The following ZEB2 variants were observed in gnomAD, a reference collection of about 807,000 sequenced individuals.
ZEB2 encodes the protein zinc finger E-box-binding homeobox 2.
In ZEB2, 6 loss-of-function variants were observed where a neutral mutation model predicts 99.9. The ratio of observed to expected loss-of-function variants is 0.06; its 90% CI spans 0.03 to 0.12. The LOEUF is 0.12. Ranked by LOEUF, ZEB2 falls within the 10% of genes least tolerant of loss-of-function variation. The pLI is 1.00. For missense variants in ZEB2, 969 were observed against 1,502.8 expected (o/e 0.64, Z 5.87); for synonymous variants, 517 against 542.5 (o/e 0.95, Z 0.65).
intron 2 of ZEB2, among the ~76,000 whole-genome samples, chr2:144,475,105 A>G (rs1704412690): frequency 6.6e-6 from 1 of 152,204 alleles, no homozygotes; most frequent in Non-Finnish European, 1.5e-5. Flanking sequence ...ACATTTCAAC[A>G]AGTATGGGAG....
At chr2:144,505,723 C>T (rs1324209002) in intron 2 of ZEB2, among the ~76,000 whole-genome samples, 2 of 152,126 alleles carry the variant, frequency 1.3e-5, no homozygotes. Context: ...AGCAGTTTGA[C>T]AGCACAAAAA....
chr2:144,486,291 T>C (rs1478345270), intron 2 of ZEB2, among the ~76,000 whole-genome samples: 1 of 152,152 alleles, frequency 6.6e-6, no homozygotes, highest in African/African-American at 2.4e-5. Context: ...TGTGTATTTC[T>C]ACATTTTTTT....
At chr2:144,503,266 C>T (rs1040660991) in intron 2 of ZEB2, among the ~76,000 whole-genome samples, 14 of 152,116 alleles carry the variant, frequency 9.2e-5, no homozygotes, top group South Asian at 8.3e-4. Flanking sequence ...TATTTGAAAA[C>T]ATATTGTTCA....
Position 144,398,360 on chromosome 2 carries a change from C to T in ZEB2, c.2827G>A (p.Ala943Thr). The T allele has an allele frequency of 6.2e-7, 1 of 1,614,052 alleles. No individual in the cohort carries two copies. The highest frequency in any genetic ancestry group is 1.7e-5 in the Admixed American group (1 of 60,010). The change falls in exon 8 of 10, where the codon GCA becomes ACA. Residue 943 changes from alanine to threonine, a missense_variant. Physicochemically the swap from Ala to Thr is moderately conservative, Grantham distance 58 (BLOSUM62 0). Coordinates refer to ENST00000627532, the MANE Select transcript of ZEB2 (RefSeq NM_014795.4). ...TGCTGCATATCAGCAAAAGTAGCTG[C>T]TCCAGTTGGGTAGGTGTAGGCCATA... ...PHMAYTYPTG[A>T]ATFADMQQRR...
At position 144,461,304 on chromosome 2, in the gene ZEB2, C is replaced by T. The variant is rs12611864; in HGVS notation, c.74-31278G>A. The T allele has an allele frequency of 3.9e-5, 6 of 152,130 alleles. No individual in the cohort carries two copies. In the East Asian group the frequency reaches 1.2e-3, roughly 29 times the overall value. 9.4% of individuals were successfully genotyped at this position (152,130 alleles called of 1,614,324 possible). ...ACTCATAAAAATCAATAAACAGGAACCCCCCACCTGTGCAATGGCCCCAGT... is the reference window on the plus strand; with the variant it reads ...ACTCATAAAAATCAATAAACAGGAATCCCCCACCTGTGCAATGGCCCCAGT... On this transcript the variant is annotated intron_variant, in intron 2 of 9. Coordinates refer to ENST00000627532, the MANE Select transcript of ZEB2 (RefSeq NM_014795.4).
At chr2:144,432,796 G>A (rs1406530010) in intron 2 of ZEB2, among the ~76,000 whole-genome samples, 1 of 150,432 alleles carries the variant, frequency 6.6e-6, no homozygotes, top group Non-Finnish European at 1.5e-5. Context: ...ATCACCACTG[G>A]CAGAAGAGAT....
intron 6 of ZEB2, among the ~76,000 whole-genome samples, chr2:144,402,225 A>C (rs1703321876): frequency 6.6e-6 from 1 of 152,146 alleles, no homozygotes; most frequent in Admixed American, 6.5e-5. Flanking sequence ...GCAGTCATCC[A>C]CTCTGGATGC....
At chr2:144,485,870 C>T (rs754141547) in intron 2 of ZEB2, among the ~76,000 whole-genome samples, 34 of 152,120 alleles carry the variant, frequency 2.2e-4, no homozygotes, top group Non-Finnish European at 3.8e-4. Context: ...CCACCTGTCT[C>T]GGCCTCCCAA....
chr2:144,450,948 G>A (rs1704047461), intron 2 of ZEB2, among the ~76,000 whole-genome samples: 1 of 152,172 alleles, frequency 6.6e-6, no homozygotes, highest in African/African-American at 2.4e-5. Context: ...AAAGCGCTGG[G>A]ATTACAGGCA....
chr2:144,474,095 G>A (rs911913693), intron 2 of ZEB2, among the ~76,000 whole-genome samples: 7 of 152,104 alleles, frequency 4.6e-5, no homozygotes, highest in Admixed American at 1.3e-4. Flanking sequence ...CCTGAGCAGC[G>A]CCCCTCCTGA....
At chr2:144,418,600 AT>A (rs1703574800) in intron 4 of ZEB2, among the ~76,000 whole-genome samples, 1 of 152,062 alleles carries the variant, frequency 6.6e-6, no homozygotes, top group Admixed American at 6.6e-5. Context: ...AGGCAGGAGA[AT>A]TGCTTGAACC....
At chr2:144,471,197 T>G (rs778159497) in intron 2 of ZEB2, among the ~76,000 whole-genome samples, 1 of 152,148 alleles carries the variant, frequency 6.6e-6, no homozygotes, top group Non-Finnish European at 1.5e-5. Context: ...GACATCAGCA[T>G]GCAAAGAGTT....
At chr2:144,512,313 T>C in intron 2 of ZEB2, 1 of 1,287,208 alleles carries the variant, frequency 7.8e-7, no homozygotes, top group Non-Finnish European at 1.0e-6. Flanking sequence ...AGAATGCAGA[T>C]GACAAAAACT....
intron 2 of ZEB2, among the ~76,000 whole-genome samples, chr2:144,488,635 A>C (rs1278414816): frequency 1.3e-5 from 2 of 150,958 alleles, no homozygotes; most frequent in Non-Finnish European, 2.9e-5. Context: ...AGTGCTATAA[A>C]TATTATTTTT....
At chr2:144,400,413 G>A in intron 7 of ZEB2, 143 bp from the exon 8 acceptor site, 2 of 924,458 alleles carry the variant, frequency 2.2e-6, no homozygotes, top group East Asian at 2.6e-5. Context: ...TTAGAATTAT[G>A]TGACCATAAC....
chr2:144,402,658 C>A (rs1031921779), intron 6 of ZEB2, among the ~76,000 whole-genome samples: 14 of 152,216 alleles, frequency 9.2e-5, no homozygotes, highest in African/African-American at 2.7e-4. Context: ...CCAACACAAT[C>A]ACACTTCTGC....
chr2:144,437,281 A>C (rs1208916219), intron 2 of ZEB2, among the ~76,000 whole-genome samples: 1 of 152,226 alleles, frequency 6.6e-6, no homozygotes, highest in Non-Finnish European at 1.5e-5. Flanking sequence ...CAAGCCTAGC[A>C]TGATGGCATG....
At chr2:144,502,817 C>T (rs1704893514) in intron 2 of ZEB2, among the ~76,000 whole-genome samples, 1 of 151,524 alleles carries the variant, frequency 6.6e-6, no homozygotes, top group African/African-American at 2.4e-5. Context: ...CTTCTGCTAT[C>T]TCTTAAATAG....
chr2:144,420,522 G>A (rs1166544635), intron 4 of ZEB2, among the ~76,000 whole-genome samples: 2 of 152,152 alleles, frequency 1.3e-5, no homozygotes, highest in Non-Finnish European at 2.9e-5. Flanking sequence ...TTGTCTTCAT[G>A]AAATTGACTA....
Sources: gnomAD v4.1 joint callset for allele counts (sites outside exome capture counted in the v4.1 genomes callset) on GRCh38, gnomAD v4.1.1 for gene constraint, MANE v1.5 for transcripts, NCBI Gene and HGNC (gene_info 2026-07-23, HGNC 2026-07-21) for gene names.